The following PSD variants were observed in gnomAD, a reference collection of about 807,000 sequenced individuals.
The protein encoded by PSD is pleckstrin and Sec7 domain containing, also known as PH and SEC7 domain-containing protein 1.
A neutral mutation model predicts 91.6 loss-of-function variants in PSD; 32 were observed. The observed-to-expected ratio is 0.35, with a 90% confidence interval of 0.26 to 0.47. PSD has a LOEUF of 0.47. PSD is among the 20% of genes least tolerant of loss of function. The pLI, the probability that PSD is intolerant of heterozygous loss-of-function variation, is 1.00. For synonymous variants in PSD, 532 were observed against 569.3 expected (o/e 0.93, Z 0.93); for missense variants, 1,099 against 1,373.9 (o/e 0.80, Z 3.16).
intron 11 of PSD, among the ~76,000 whole-genome samples, chr10:102,406,381 ATGAACTG>A (rs2061361106): frequency 6.6e-6 from 1 of 152,180 alleles, no homozygotes; most frequent in Non-Finnish European, 1.5e-5. Context: ...TGAATGATCT[ATGAACTG>A]TGAAGATAAG....
Position 102,405,545 on chromosome 10 carries a change from G to A in PSD, c.2136-9C>T, listed in dbSNP as rs1565220803. On this transcript the variant is annotated splice_polypyrimidine_tract_variant and intron_variant, in intron 11 of 16. Coordinates refer to ENST00000020673, the MANE Select transcript of PSD (RefSeq NM_002779.5). The surrounding 1 kb of genome is among the most constrained non-coding windows in gnomAD (Gnocchi z 5.4). ...TCAGCTCCTCCTCGTCTCTGCAGGT[G>A]TGATCACCTCAGAGGGGGCTGGCCA... The A allele has an allele frequency of 6.2e-7, 1 of 1,609,124 alleles. No homozygotes were observed. Among genetic ancestry groups the A allele is most frequent in the Non-Finnish European group, 8.5e-7 (1 of 1,176,856 alleles).
chr10:102,418,004 C>T (rs1048738889), intron 1 of PSD, among the ~76,000 whole-genome samples: 2 of 152,024 alleles, frequency 1.3e-5, no homozygotes, highest in African/African-American at 4.8e-5. Context: ...CCACCGCACC[C>T]GGCCAGGGAC....
chr10:102,416,713 G>A lies in PSD; in HGVS notation c.326C>T (p.Ala109Val). 1 of 1,600,920 alleles carries A rather than the reference G, an allele frequency of 6.2e-7. No homozygotes were observed. The highest frequency in any genetic ancestry group is 8.5e-7 in the Non-Finnish European group (1 of 1,174,018). The stretch of plus-strand genomic sequence containing the variant: ...TAGCCCATTCAGTGGCCTCACACTG[G>A]CCTTCTCCACAAAGCGGAAGATGAC... ...SVVIFRFVEK[A>V]SVRPLNGLPA... Residue 109 changes from alanine to valine, a missense_variant, in exon 2 of 17, where the codon GCC becomes GTC. Physicochemically the swap from Ala to Val is moderately conservative, Grantham distance 64. Around this residue, in one of 3 missense-constraint regions of PSD, gnomAD observed 631 missense variants for 728.8 expected, o/e 0.87. Transcript: ENST00000020673. The surrounding 1 kb of genome is among the most constrained non-coding windows in gnomAD (Gnocchi z 6.0).
At position 102,404,948 on chromosome 10, in the gene PSD, G is replaced by T; in HGVS notation, c.2505C>A (p.His835Gln). 1 of 1,614,096 alleles carries T rather than the reference G, an allele frequency of 6.2e-7. No individual in the cohort carries two copies. Among genetic ancestry groups the T allele is most frequent in the Non-Finnish European group, 8.5e-7 (1 of 1,179,984 alleles). ...AGTCAGCTGTGCGCAGGTAGAAGAC[G>T]TGGGGCCTCTTGCTGTAGTCACTGG... The part of the protein sequence containing the change: ...TRASDYSKRP[H>Q]VFYLRTADWR... The change falls in exon 14 of 17, where the codon CAC (histidine) becomes CAA (glutamine). Residue 835 changes from histidine (H) to glutamine (Q), a missense_variant. This residue lies in a region of PSD where 358 missense variants were observed against 426.5 expected (regional missense o/e 0.84). Transcript: ENST00000020673. This position sits in a 1 kb window ranked among gnomAD's most constrained non-coding sequence, Gnocchi z 5.7.
Position 102,405,220 on chromosome 10 carries a change from T to C in PSD, c.2360A>G (p.His787Arg). The change falls in exon 13 of 17, where the codon CAC becomes CGC. Residue 787 changes from histidine (H) to arginine (R), a missense_variant. This residue lies in a region of PSD where 358 missense variants were observed against 426.5 expected (regional missense o/e 0.84). Transcript: ENST00000020673. The surrounding 1 kb of genome is among the most constrained non-coding windows in gnomAD (Gnocchi z 5.4). ...GAGGATCATGCCCTTGAGGATCCCG[T>C]GGAAGCTCTTCCAGCCCCGCTTGCC... ...PRGKRGWKSF[H>R]GILKGMILYL... 6.2e-7 allele frequency: 1 copy of C among 1,611,020 alleles called. No homozygotes were observed. The highest frequency in any genetic ancestry group is 8.5e-7 in the Non-Finnish European group (1 of 1,179,822).
At chr10:102,413,623 A>G in intron 5 of PSD, 146 bp downstream of exon 5, 1 of 767,136 alleles carries the variant, frequency 1.3e-6, no homozygotes, top group Non-Finnish European at 2.1e-6. Context: ...TCCTCCAAAT[A>G]GGAAAACAGG....
rs144805844 is a variant in PSD at position 102,415,075 on chromosome 10, C to T, written c.912G>A (p.Val304=). 7.4e-5 allele frequency: 120 copies of T among 1,614,012 alleles called. No individual in the cohort carries two copies. Among genetic ancestry groups the T allele is most frequent in the Non-Finnish European group, 9.7e-5 (115 of 1,180,032 alleles). The change falls in exon 4 of 17, where the codon GTG becomes GTA. Residue 304 remains valine, a synonymous_variant. Transcript: ENST00000020673. ...AGTCGGCCTCCTCCCGCTCAGCCAG[C>T]ACCTCATCGATGTCAGTCTCGCGGT... is the stretch of plus-strand genomic sequence containing the variant. The part of the protein sequence containing the change: ...RCYRETDIDE[V]LAEREEADSA...
rs570553948 is a variant in PSD, at chr10:102,402,695, C to T, written c.*505G>A. On this transcript the variant is annotated 3_prime_UTR_variant, in exon 17 of 17. Coordinates refer to ENST00000020673, the MANE Select transcript of PSD (RefSeq NM_002779.5). ...CCACTGAAGCGGGGGAAAGCCAGGC[C>T]GTGCTGCCCCCGGCCCAGGTATGGG... The T allele has an allele frequency of 4.6e-4, 145 of 314,616 alleles. 2 individuals carry two copies. In the East Asian group the frequency reaches 6.7e-3, roughly 15 times the overall value. 19.5% of individuals were successfully genotyped at this position (314,616 alleles called of 1,614,324 possible).
rs1360005877 is a variant in PSD, at chr10:102,414,702, A to C, written c.1124+161T>G. On this transcript the variant is annotated intron_variant, in intron 4 of 16. Coordinates refer to ENST00000020673, the MANE Select transcript of PSD (RefSeq NM_002779.5). The surrounding 1 kb of genome is among the most constrained non-coding windows in gnomAD (Gnocchi z 5.6). Reference sequence around the variant, plus strand: ...TCCCCACATCCCCAGTGTTCTGCCAAGCCTCAGGCCTCTGTCTAGAATCTC... The same window carrying C: ...TCCCCACATCCCCAGTGTTCTGCCACGCCTCAGGCCTCTGTCTAGAATCTC... Among the ~76,000 whole-genome samples, 1 of 152,120 alleles carries C rather than the reference A, an allele frequency of 6.6e-6. No homozygotes were observed. Among genetic ancestry groups the C allele is most frequent in the Non-Finnish European group, 1.5e-5 (1 of 68,022 alleles).
In PSD at chr10:102,416,236, A is replaced by T. The variant is rs2061479059; in HGVS notation, c.655-117T>A. 8.3e-7 allele frequency: 1 copy of T among 1,209,546 alleles called. No homozygotes were observed. Among genetic ancestry groups the T allele is most frequent in the Admixed American group, 2.2e-5 (1 of 45,886 alleles). 74.9% of individuals were successfully genotyped at this position (1,209,546 alleles called of 1,614,324 possible). A position where few individuals can be genotyped will look rare whatever the true frequency, so the allele number is the denominator to read the frequency against. ...CATCGACAGAGATGGAGGTTCAGAG[A>T]CACAGAGACAAACACAGAGGGCAAG... is the stretch of plus-strand genomic sequence containing the variant. On this transcript the variant is annotated intron_variant, in intron 2 of 16. Coordinates refer to ENST00000020673, the MANE Select transcript of PSD (RefSeq NM_002779.5). The surrounding 1 kb of genome is among the most constrained non-coding windows in gnomAD (Gnocchi z 6.0).
Position 102,418,733 on chromosome 10 carries a change from A to T in PSD, c.-116T>A, listed in dbSNP as rs531831623. The T allele has an allele frequency of 8.1e-4, 367 of 455,818 alleles. No homozygotes were observed. The highest frequency in any genetic ancestry group is 1.5e-3 in the Non-Finnish European group (343 of 226,690). The allele number at this position is 455,818 out of a possible 1,614,324, so 28.2% of individuals were successfully genotyped here. On this transcript the variant is annotated 5_prime_UTR_variant, in exon 1 of 17. Coordinates refer to ENST00000020673, the MANE Select transcript of PSD (RefSeq NM_002779.5). ...CGCCCAGAGCTGAGACCGAGGAGAG[A>T]CAGAGGAGAGGCTGGGCCCAGCTGA...
chr10:102,414,697 T>G lies in PSD; in HGVS notation c.1124+166A>C, dbSNP rs779921617. ...TTTGCTCCCCACATCCCCAGTGTTCTGCCAAGCCTCAGGCCTCTGTCTAGA... is the reference window on the plus strand; with the variant it reads ...TTTGCTCCCCACATCCCCAGTGTTCGGCCAAGCCTCAGGCCTCTGTCTAGA... On this transcript the variant is annotated intron_variant, in intron 4 of 16. Coordinates refer to ENST00000020673, the MANE Select transcript of PSD (RefSeq NM_002779.5). The surrounding 1 kb of genome is among the most constrained non-coding windows in gnomAD (Gnocchi z 5.6). Among the ~76,000 whole-genome samples the G allele has an allele frequency of 6.6e-6, 1 of 152,178 alleles. No homozygotes were observed. Among genetic ancestry groups the G allele is most frequent in the Non-Finnish European group, 1.5e-5 (1 of 68,008 alleles).
Position 102,404,631 on chromosome 10 carries a change from C to T in PSD, c.2652G>A (p.Lys884=). The change falls in exon 15 of 17, where the codon AAG becomes AAA. Residue 884 remains lysine, a synonymous_variant. Transcript: ENST00000020673. The surrounding 1 kb of genome is among the most constrained non-coding windows in gnomAD (Gnocchi z 5.7). ...TGGGCAGGAGAGGGCGGCTGAACTTCTTTTGGGAGCTAACAGCAGCTGGGA... is the reference window on the plus strand; with the variant it reads ...TGGGCAGGAGAGGGCGGCTGAACTTTTTTTGGGAGCTAACAGCAGCTGGGA... ...PPFPAAVSSQ[K]KFSRPLLPSA... 6.2e-7 allele frequency: 1 copy of T among 1,612,034 alleles called. No homozygotes were observed. The highest frequency in any genetic ancestry group is 1.3e-5 in the African/African-American group (1 of 74,924).
chr10:102,409,180 C>A lies in PSD; in HGVS notation c.2091+1678G>T. 1.0e-6 allele frequency: 1 copy of A among 981,080 alleles called. No homozygotes were observed. 60.8% of individuals were successfully genotyped at this position (981,080 alleles called of 1,614,324 possible). The stretch of plus-strand genomic sequence containing the variant: ...CGCCCGGACGGCCCGCGGACCGCTC[C>A]CCCGACAGCCAGCGCGAGCGGCGCG... On this transcript the variant is annotated intron_variant, in intron 10 of 16. Transcript: ENST00000020673. This position sits in a 1 kb window ranked among gnomAD's most constrained non-coding sequence, Gnocchi z 5.7.
In PSD at chr10:102,403,239, C is replaced by T. The variant is rs1279776907; in HGVS notation, c.3036G>A (p.Glu1012=). The T allele has an allele frequency of 4.4e-6, 7 of 1,600,846 alleles. No individual in the cohort carries two copies. The highest frequency in any genetic ancestry group is 1.7e-5 in the Admixed American group (1 of 59,208). ...GCCCACTGCCTGCCCCTGGCCGAGG[C>T]TCTGAGCTGTGACGCTGAGCCCGGG... ...SQPRAQRHSS[E]PRPGAGSGRR... Residue 1012 remains glutamate (E), a synonymous_variant, in exon 17 of 17, where the codon GAG becomes GAA. Transcript: ENST00000020673. The surrounding 1 kb of genome is among the most constrained non-coding windows in gnomAD (Gnocchi z 6.7).
Position 102,412,511 on chromosome 10 carries a change from C to T in PSD, c.1618G>A (p.Ala540Thr), listed in dbSNP as rs765375867. 1.9e-5 allele frequency: 30 copies of T among 1,613,932 alleles called. No homozygotes were observed. The South Asian group carries it at 3.3e-4, about 18-fold the overall frequency. The change falls in exon 6 of 17, where the codon GCC becomes ACC. Residue 540 changes from alanine to threonine, a missense_variant. Ala to Thr is a moderately conservative substitution (Grantham distance 58). Coordinates refer to ENST00000020673, the MANE Select transcript of PSD (RefSeq NM_002779.5). ...DSELDSTERL[A>T]LGSTDTLSNG... ...GACAAGGTGTCTGTGCTTCCCAGGG[C>T]CAGCCGCTCTGTGCTGTCCAGCTCT... is the stretch of plus-strand genomic sequence containing the variant.
At position 102,416,555 on chromosome 10, in the gene PSD, T is replaced by C. The variant is rs919979876; in HGVS notation, c.484A>G (p.Arg162Gly). ...CTGCCAGGTAGGGCCGAGCCTCCTC[T>C]GGCGGGGAGTGGGTCTGATGTGGAT... ...EASTSDPLPARGGSALPGSRN... is the reference protein window; with the variant it reads ...EASTSDPLPAGGGSALPGSRN... Residue 162 changes from arginine (R) to glycine (G), a missense_variant, in exon 2 of 17, where the codon AGA (arginine) becomes GGA (glycine). By Grantham distance (125) the Arg-to-Gly change is moderately radical. Transcript: ENST00000020673. This position sits in a 1 kb window ranked among gnomAD's most constrained non-coding sequence, Gnocchi z 6.0. 5.7e-5 allele frequency: 91 copies of C among 1,604,186 alleles called. No homozygotes were observed. The highest frequency in any genetic ancestry group is 7.7e-5 in the Non-Finnish European group (90 of 1,175,356).
chr10:102,405,076 TCCTGGCCCCAAATGCAG>T lies in PSD; in HGVS notation c.2398-38_2398-22del. ...TCCTCCTGCAGGGGTGTCCATCTTGTCCTGGCCCCAAATGCAGCCTGGCCCAGCCCCTCCTATTCCCA... is the reference window on the plus strand; with the variant it reads ...TCCTCCTGCAGGGGTGTCCATCTTGTCCTGGCCCAGCCCCTCCTATTCCCA... On this transcript the variant is annotated intron_variant, in intron 13 of 16. Transcript: ENST00000020673. The surrounding 1 kb of genome is among the most constrained non-coding windows in gnomAD (Gnocchi z 5.4). 1.2e-6 allele frequency: 2 copies of T among 1,613,134 alleles called. No individual in the cohort carries two copies. The highest frequency in any genetic ancestry group is 1.7e-6 in the Non-Finnish European group (2 of 1,179,456).
Position 102,416,908 on chromosome 10 carries a change from C to T in PSD, c.131G>A (p.Gly44Asp), listed in dbSNP as rs1477046012. The change falls in exon 2 of 17, where the codon GGC (glycine) becomes GAC (aspartate). Residue 44 changes from glycine to aspartate, a missense_variant. Gly to Asp is a moderately conservative substitution (Grantham distance 94). Transcript: ENST00000020673. The surrounding 1 kb of genome is among the most constrained non-coding windows in gnomAD (Gnocchi z 6.0). ...ACCTGCCACTCGCCGTAGCAAGGAG[C>T]CTGTGCTGCCATACATGCTGGCTGG... ...SPPASMYGST[G>D]SLLRRVAGPG... is the part of the protein sequence containing the mutation. 3 of 1,607,648 alleles carry T rather than the reference C, an allele frequency of 1.9e-6. No homozygotes were observed. The highest frequency in any genetic ancestry group is 2.5e-6 in the Non-Finnish European group (3 of 1,178,934).
Sources: allele counts gnomAD v4.1 joint callset (sites outside exome capture counted in the v4.1 genomes callset), GRCh38; gene constraint gnomAD v4.1.1; regional missense constraint gnomAD v4.1.1; non-coding constraint Gnocchi (gnomAD v3.1); transcripts MANE v1.5; gene names NCBI Gene and HGNC (gene_info 2026-07-23, HGNC 2026-07-21).